ZNF385D: variants seen among roughly 807,000 people sequenced by gnomAD.
The protein encoded by ZNF385D is zinc finger protein 385D.
ZNF385D carries 15 observed loss-of-function variants against 35.8 expected under a neutral mutation model. The observed-to-expected ratio is 0.42, with a 90% CI of 0.28 to 0.64. The LOEUF is 0.64. Among genes scored for constraint, ZNF385D ranks in the 30% least tolerant of loss-of-function variants. The pLI, the probability that ZNF385D is intolerant of heterozygous loss-of-function variation, is 0.23. For missense variants in ZNF385D, 474 were observed against 494.6 expected (o/e 0.96, Z 0.39); for synonymous variants, 212 against 186.8 (o/e 1.13, Z -1.10).
chr3:22,036,698 AG>A (rs1698341983), intron 3 of ZNF385D, among the ~76,000 whole-genome samples: 1 of 150,140 alleles, frequency 6.7e-6, no homozygotes, highest in Non-Finnish European at 1.5e-5. Context: ...AAAGAAGAGT[AG>A]CCCTACTAGG....
intron 3 of ZNF385D, among the ~76,000 whole-genome samples, chr3:22,092,621 T>G (rs1387845274): frequency 6.6e-6 from 1 of 152,172 alleles, no homozygotes; most frequent in Admixed American, 6.6e-5. Flanking sequence ...TTCTATTATG[T>G]ATCAATTCAG....
At chr3:22,199,714 G>A (rs763976908) in intron 2 of ZNF385D, among the ~76,000 whole-genome samples, 3 of 152,058 alleles carry the variant, frequency 2.0e-5, no homozygotes, top group South Asian at 2.1e-4. Context: ...TCCTAAAGCA[G>A]CATACCCTTT....
intron 3 of ZNF385D, among the ~76,000 whole-genome samples, chr3:21,924,897 G>A (rs1217536381): frequency 6.6e-6 from 1 of 152,116 alleles, no homozygotes; most frequent in Non-Finnish European, 1.5e-5. Context: ...TAAGAAAGTG[G>A]TGCCCTCCTT....
chr3:22,043,297 G>C (rs1050084631), intron 3 of ZNF385D, among the ~76,000 whole-genome samples: 1 of 151,986 alleles, frequency 6.6e-6, no homozygotes, highest in African/African-American at 2.4e-5. Context: ...CACCGTCAAA[G>C]ATTAGAGAGT....
At chr3:21,563,810 G>GGACTT (rs754825532) in intron 3 of ZNF385D, among the ~76,000 whole-genome samples, 47 of 152,096 alleles carry the variant, frequency 3.1e-4, no homozygotes, top group Admixed American at 7.9e-4. Context: ...GGAACTCTTA[G>GGACTT]GACTTAACTT....
intron 1 of ZNF385D, among the ~76,000 whole-genome samples, chr3:21,722,951 C>T (rs1367649385): frequency 2.0e-5 from 3 of 152,162 alleles, no homozygotes; most frequent in Non-Finnish European, 2.9e-5. Context: ...TTCCCTGGCT[C>T]GGATACAGCT....
chr3:21,518,981 C>T (rs1707749216), intron 3 of ZNF385D, among the ~76,000 whole-genome samples: 1 of 152,116 alleles, frequency 6.6e-6, no homozygotes, highest in Admixed American at 6.6e-5. Context: ...AATATTCACT[C>T]GCATTTTTTC....
At chr3:21,544,421 C>T (rs1263419254) in intron 3 of ZNF385D, among the ~76,000 whole-genome samples, 1 of 152,032 alleles carries the variant, frequency 6.6e-6, no homozygotes, top group Non-Finnish European at 1.5e-5. Flanking sequence ...TGTGTAGGAA[C>T]AGTAAAATGT....
intron 3 of ZNF385D, among the ~76,000 whole-genome samples, chr3:21,986,693 G>C (rs140323218): frequency 0.038 from 4,967 of 130,200 alleles, 121 homozygotes; most frequent in African/African-American, 0.12. Context: ...TCCGCTTGGT[G>C]CAGAGCTGAG....
chr3:21,429,456 A>G (rs955655267), intron 5 of ZNF385D, among the ~76,000 whole-genome samples: 8 of 152,136 alleles, frequency 5.3e-5, no homozygotes, highest in African/African-American at 1.2e-4. Flanking sequence ...ATTATCTAAT[A>G]TTAGACATTT....
intron 5 of ZNF385D, 137 bp from the exon 6 acceptor site, chr3:21,425,807 C>G: frequency 1.5e-6 from 1 of 663,104 alleles, no homozygotes. Flanking sequence ...TCTGATGCCT[C>G]ATTTTAGTGC....
intron 3 of ZNF385D, among the ~76,000 whole-genome samples, chr3:21,527,759 T>TTA (rs1553606379): frequency 6.7e-6 from 1 of 149,406 alleles, no homozygotes; most frequent in African/African-American, 2.5e-5. Context: ...AAAACTATGT[T>TTA]AAAAAAAAAA....
chr3:22,116,624 G>A (rs1702824932), intron 3 of ZNF385D, among the ~76,000 whole-genome samples: 1 of 152,062 alleles, frequency 6.6e-6, no homozygotes, highest in African/African-American at 2.4e-5. Flanking sequence ...TTGAATGTAA[G>A]CTTTCTAACA....
chr3:21,598,874 A>T (rs1427925735), intron 2 of ZNF385D, among the ~76,000 whole-genome samples: 1 of 152,214 alleles, frequency 6.6e-6, no homozygotes, highest in Admixed American at 6.5e-5. Flanking sequence ...GAAGTTCACC[A>T]TTCCCTTATG....
chr3:22,081,736 T>C lies in ZNF385D; in HGVS notation c.325+87081A>G, dbSNP rs541637826. Among the ~76,000 whole-genome samples, 7 of 152,294 alleles carry C rather than the reference T, an allele frequency of 4.6e-5. No individual in the cohort carries two copies. In the South Asian group the frequency reaches 8.3e-4, roughly 18 times the overall value. ...TTGAGTTAAAATGGCAGAGTAGTTA[T>C]GACAAAGACTCTATTGCCCCAAAAC... On this transcript the variant is annotated intron_variant, in intron 3 of 5. Coordinates refer to the ZNF385D transcript ENST00000494108.
chr3:22,131,254 G>A (rs61406718), intron 3 of ZNF385D, among the ~76,000 whole-genome samples: 3,242 of 152,116 alleles, frequency 0.021, 116 homozygotes, highest in African/African-American at 0.075. Context: ...AAAACAGTCC[G>A]GTAAGATGAG....
At chr3:22,012,500 A>G (rs184707413) in intron 3 of ZNF385D, among the ~76,000 whole-genome samples, 2 of 152,242 alleles carry the variant, frequency 1.3e-5, no homozygotes, top group Non-Finnish European at 2.9e-5. Context: ...GTGCTTCAGA[A>G]TATTTCCTAT....
intron 1 of ZNF385D, among the ~76,000 whole-genome samples, chr3:21,685,238 A>T (rs2067067230): frequency 6.6e-6 from 1 of 152,204 alleles, no homozygotes; most frequent in African/African-American, 2.4e-5. Context: ...TTTAATATTC[A>T]AGAAATGCAA....
chr3:21,603,553 T>C (rs1330481513), intron 2 of ZNF385D, among the ~76,000 whole-genome samples: 1 of 152,236 alleles, frequency 6.6e-6, no homozygotes, highest in Non-Finnish European at 1.5e-5. Context: ...AATGAGCTAG[T>C]TCTCTATAAG....
Sources: allele counts gnomAD v4.1 joint callset (sites outside exome capture counted in the v4.1 genomes callset), GRCh38; gene constraint gnomAD v4.1.1; transcripts MANE v1.5; gene names NCBI Gene and HGNC (gene_info 2026-07-23, HGNC 2026-07-21).